CTNNA2: variants seen among roughly 807,000 people sequenced by gnomAD.
CTNNA2 encodes the protein catenin alpha-2.
Under a neutral mutation model 101.0 loss-of-function variants are expected in CTNNA2, and 42 were observed. That is an observed-to-expected ratio of 0.42 (90% confidence interval 0.32 to 0.54). CTNNA2 has a LOEUF of 0.54. CTNNA2 is among the 20% of genes least tolerant of loss of function. The probability of loss-of-function intolerance (pLI) is 0.14; values close to 1 mark genes in which losing one functional copy is unlikely to be tolerated. For synonymous variants in CTNNA2, 450 were observed against 456.4 expected (o/e 0.99, Z 0.18); for missense variants, 871 against 1,223.1 (o/e 0.71, Z 4.29).
At chr2:80,131,465 T>C (rs144089289) in intron 7 of CTNNA2, among the ~76,000 whole-genome samples, 9 of 152,320 alleles carry the variant, frequency 5.9e-5, no homozygotes, top group African/African-American at 2.2e-4. Flanking sequence ...ATTAAAAGTT[T>C]ATAAAATGGT....
intron 3 of CTNNA2, among the ~76,000 whole-genome samples, chr2:79,314,897 A>G (rs576132849): frequency 1.3e-5 from 2 of 152,338 alleles, no homozygotes; most frequent in East Asian, 3.9e-4. Context: ...GTCATCATTT[A>G]TGGGCAGACT....
chr2:80,506,517 A>G (rs1444857019), intron 9 of CTNNA2, among the ~76,000 whole-genome samples: 1 of 152,176 alleles, frequency 6.6e-6, no homozygotes, highest in Non-Finnish European at 1.5e-5. Context: ...TGGGCAATTT[A>G]AAGGAATTTA....
intron 4 of CTNNA2, among the ~76,000 whole-genome samples, chr2:79,447,060 A>C (rs947175351): frequency 4.6e-5 from 7 of 152,068 alleles, no homozygotes; most frequent in Non-Finnish European, 1.0e-4. Flanking sequence ...TATAGGATCC[A>C]CTTATAGAAA....
chr2:80,524,796 A>C (rs76770060), intron 9 of CTNNA2, among the ~76,000 whole-genome samples: 4,061 of 152,260 alleles, frequency 0.027, 88 homozygotes, highest in Non-Finnish European at 0.039. Flanking sequence ...ACACAAAAAA[A>C]TGCTCTCCAC....
At chr2:79,957,588 TCTC>T (rs1014946335) in intron 7 of CTNNA2, among the ~76,000 whole-genome samples, 17 of 152,300 alleles carry the variant, frequency 1.1e-4, no homozygotes, top group African/African-American at 3.8e-4. Flanking sequence ...AATAAAGTCT[TCTC>T]CTTCCTTCCT....
intron 7 of CTNNA2, among the ~76,000 whole-genome samples, chr2:79,963,607 G>A (rs1379248624): frequency 6.6e-6 from 1 of 152,120 alleles, no homozygotes; most frequent in East Asian, 1.9e-4. Context: ...TGGCCACTGG[G>A]CAGAGCTGCT....
chr2:79,722,305 G>T (rs1186818658), intron 2 of CTNNA2, among the ~76,000 whole-genome samples: 2 of 152,142 alleles, frequency 1.3e-5, no homozygotes, highest in Non-Finnish European at 2.9e-5. Context: ...AAAGTGTGAG[G>T]GGGTGAAATG....
intron 2 of CTNNA2, chr2:79,281,583 T>C (rs1006776136): frequency 2.6e-5 from 4 of 152,222 alleles, no homozygotes; most frequent in Non-Finnish European, 5.9e-5. Context: ...AAGCAGTCCC[T>C]CTTAGTAATG....
intron 7 of CTNNA2, among the ~76,000 whole-genome samples, chr2:79,983,930 T>G (rs938786089): frequency 5.9e-5 from 9 of 152,174 alleles, no homozygotes; most frequent in Non-Finnish European, 1.2e-4. Flanking sequence ...CTGAAAACTT[T>G]GGAACATAGT....
At chr2:80,393,113 T>C (rs1209473526) in intron 7 of CTNNA2, 98 bp from the exon 8 acceptor site, 1 of 871,816 alleles carries the variant, frequency 1.1e-6, no homozygotes, top group East Asian at 2.7e-5. Context: ...AAAAAATTGT[T>C]TGAATTTAAC....
chr2:79,720,973 A>G (rs192555166), intron 2 of CTNNA2, among the ~76,000 whole-genome samples: 38 of 152,236 alleles, frequency 2.5e-4, no homozygotes, highest in African/African-American at 8.9e-4. Context: ...GTGTTTTATA[A>G]AAAGAACATC....
At position 80,567,968 on chromosome 2, in the gene CTNNA2, T is replaced by C. The variant is rs140185839; in HGVS notation, c.1742-6195T>C. On this transcript the variant is annotated intron_variant, in intron 12 of 18. Coordinates refer to ENST00000402739, the MANE Select transcript of CTNNA2 (RefSeq NM_001282597.3). ...ATTTTCTTTTCTCTATGCTCCATAATAAAATTTGTGCAAGAAACACACTCA... is the reference window on the plus strand; with the variant it reads ...ATTTTCTTTTCTCTATGCTCCATAACAAAATTTGTGCAAGAAACACACTCA... Among the ~76,000 whole-genome samples the C allele has an allele frequency of 4.4e-3, 674 of 152,298 alleles. 3 individuals are homozygous for C. The highest frequency in any genetic ancestry group is 0.016 in the African/African-American group (651 of 41,572).
At chr2:80,610,143 G>C (rs1213424804) in intron 17 of CTNNA2, among the ~76,000 whole-genome samples, 1 of 151,706 alleles carries the variant, frequency 6.6e-6, no homozygotes, top group Non-Finnish European at 1.5e-5. Context: ...TATATGCTCT[G>C]TCATGGGCCT....
intron 7 of CTNNA2, among the ~76,000 whole-genome samples, chr2:80,196,490 G>A (rs567064449): frequency 6.6e-6 from 1 of 152,256 alleles, no homozygotes; most frequent in Admixed American, 6.5e-5. Flanking sequence ...TCTTGGCACT[G>A]CACAGATTTT....
chr2:80,066,009 TG>T, intron 7 of CTNNA2, among the ~76,000 whole-genome samples: 1 of 152,326 alleles, frequency 6.6e-6, no homozygotes, highest in African/African-American at 2.4e-5. Context: ...AGGAACTTGG[TG>T]ACTAGTACTC....
At chr2:79,711,491 A>G (rs1685734841) in intron 2 of CTNNA2, among the ~76,000 whole-genome samples, 2 of 152,224 alleles carry the variant, frequency 1.3e-5, no homozygotes, top group Admixed American at 6.5e-5. Context: ...TAAATACAAA[A>G]GACAACCGAG....
intron 13 of CTNNA2, among the ~76,000 whole-genome samples, chr2:80,575,451 G>C (rs1399841220): frequency 1.3e-5 from 2 of 152,062 alleles, no homozygotes; most frequent in Non-Finnish European, 2.9e-5. Context: ...GTGTGTAAGA[G>C]AGGGAGAGAG....
chr2:79,463,873 C>A (rs888589139), intron 4 of CTNNA2, among the ~76,000 whole-genome samples: 3 of 152,110 alleles, frequency 2.0e-5, no homozygotes, highest in African/African-American at 7.2e-5. Context: ...CTCCAAATAA[C>A]TTCACTATAG....
chr2:80,102,545 C>T (rs1302009520), intron 7 of CTNNA2, among the ~76,000 whole-genome samples: 1 of 152,162 alleles, frequency 6.6e-6, no homozygotes, highest in African/African-American at 2.4e-5. Flanking sequence ...AGTCTTCTTG[C>T]TCTATTACCC....
Sources: gnomAD v4.1 joint callset for allele counts (sites outside exome capture counted in the v4.1 genomes callset) on GRCh38, gnomAD v4.1.1 for gene constraint, MANE v1.5 for transcripts, NCBI Gene and HGNC (gene_info 2026-07-23, HGNC 2026-07-21) for gene names.